The following ERC2 variants were observed in gnomAD, a reference collection of about 807,000 sequenced individuals.
ERC2 encodes the protein ELKS/RAB6-interacting/CAST family member 2, also known as ERC protein 2.
ERC2 carries 42 observed loss-of-function variants against 114.8 expected under a neutral mutation model. That is an observed-to-expected ratio of 0.37 (90% CI 0.29 to 0.47). The LOEUF (loss-of-function observed/expected upper bound fraction) is 0.47, where lower values mean the gene tolerates loss of function less well. ERC2 is among the 20% of genes least tolerant of loss of function. The pLI, the probability that ERC2 is intolerant of heterozygous loss-of-function variation, is 0.99. For missense variants in ERC2, 939 were observed against 1,150.7 expected (o/e 0.82, Z 2.66); for synonymous variants, 454 against 425.5 (o/e 1.07, Z -0.82).
At chr3:56,452,942 T>C (rs1030825275) in intron 1 of ERC2, among the ~76,000 whole-genome samples, 6 of 152,246 alleles carry the variant, frequency 3.9e-5, no homozygotes, top group Non-Finnish European at 5.9e-5. Context: ...TGTGTTGTTT[T>C]CTTACATTAG....
chr3:56,264,708 T>C (rs1161648789), intron 3 of ERC2, among the ~76,000 whole-genome samples: 2 of 150,668 alleles, frequency 1.3e-5, no homozygotes, highest in African/African-American at 4.9e-5. Context: ...TAGAAAGCCC[T>C]ATAAAGACCC....
chr3:55,548,157 A>G (rs2054891437), intron 17 of ERC2, among the ~76,000 whole-genome samples: 1 of 152,198 alleles, frequency 6.6e-6, no homozygotes, highest in Non-Finnish European at 1.5e-5. Flanking sequence ...GGCTGAAGTG[A>G]CCTGTGGCCC....
At chr3:55,854,512 T>C (rs2061707461) in intron 14 of ERC2, among the ~76,000 whole-genome samples, 1 of 152,212 alleles carries the variant, frequency 6.6e-6, no homozygotes, top group African/African-American at 2.4e-5. Flanking sequence ...ACCGCGGCTC[T>C]GGGGCCTGCT....
intron 17 of ERC2, chr3:55,658,847 CCA>C (rs1255738390): frequency 6.5e-6 from 1 of 152,696 alleles, no homozygotes; most frequent in Non-Finnish European, 1.5e-5. Context: ...TTCCCCAAGC[CCA>C]GTCCCAGCTG....
At chr3:55,911,106 A>T (rs965436813) in intron 13 of ERC2, among the ~76,000 whole-genome samples, 7 of 152,130 alleles carry the variant, frequency 4.6e-5, no homozygotes, top group African/African-American at 1.7e-4. Context: ...TCACAACTTC[A>T]TCTAAAAACT....
chr3:55,950,075 T>C (rs1459414445), intron 13 of ERC2, among the ~76,000 whole-genome samples: 1 of 152,226 alleles, frequency 6.6e-6, no homozygotes. Context: ...CACATTTGCC[T>C]TCTTCTATTC....
Position 56,081,305 on chromosome 3 carries a change from A to G in ERC2, c.1474-321T>C, listed in dbSNP as rs112753592. On this transcript the variant is annotated intron_variant, in intron 6 of 17. Coordinates refer to ENST00000288221, the MANE Select transcript of ERC2 (RefSeq NM_015576.3). ...CTAAGCTTGGAAACAAAGCACATCA[A>G]TACTCCCATGTCTCTCTGAGAGTCC... Among the ~76,000 whole-genome samples, 1,351 of 152,282 alleles carry G rather than the reference A, an allele frequency of 8.9e-3. 16 individuals carry two copies. The highest frequency in any genetic ancestry group is 0.031 in the African/African-American group (1,273 of 41,560).
chr3:56,122,532 G>A (rs534066110), intron 6 of ERC2, among the ~76,000 whole-genome samples: 4 of 152,172 alleles, frequency 2.6e-5, no homozygotes, highest in Admixed American at 6.5e-5. Flanking sequence ...AAAGCCATCC[G>A]CAATTCCAAA....
intron 15 of ERC2, among the ~76,000 whole-genome samples, chr3:55,730,568 T>C (rs2148909675): frequency 6.6e-6 from 1 of 152,272 alleles, no homozygotes; most frequent in East Asian, 1.9e-4. Flanking sequence ...TCTGTATACG[T>C]TGAGCTCAAA....
chr3:55,956,172 A>G (rs1179154063), intron 12 of ERC2, among the ~76,000 whole-genome samples: 1 of 152,184 alleles, frequency 6.6e-6, no homozygotes, highest in East Asian at 1.9e-4. Context: ...ACCTCAAACA[A>G]TGGACTTTGG....
chr3:55,762,273 A>T (rs1180913147), intron 14 of ERC2, among the ~76,000 whole-genome samples: 2 of 152,166 alleles, frequency 1.3e-5, no homozygotes, highest in Non-Finnish European at 2.9e-5. Flanking sequence ...TATTCTAAAC[A>T]TTTGAAGGGA....
At chr3:55,590,649 A>G (rs1228898836) in intron 17 of ERC2, among the ~76,000 whole-genome samples, 1 of 152,230 alleles carries the variant, frequency 6.6e-6, no homozygotes, top group Non-Finnish European at 1.5e-5. Context: ...AAAATTGCCC[A>G]CCACAATTCT....
intron 2 of ERC2, among the ~76,000 whole-genome samples, chr3:56,417,437 C>A (rs868236075): frequency 1.2e-4 from 18 of 152,042 alleles, no homozygotes; most frequent in African/African-American, 4.3e-4. Context: ...CCAGGGCAGC[C>A]ATCTGAAAAT....
chr3:56,210,382 A>G (rs2048986907), intron 3 of ERC2, among the ~76,000 whole-genome samples: 1 of 152,240 alleles, frequency 6.6e-6, no homozygotes, highest in Non-Finnish European at 1.5e-5. Context: ...TATAATAGGG[A>G]TAAACTATTT....
At chr3:56,061,222 T>C (rs1281063969) in intron 7 of ERC2, among the ~76,000 whole-genome samples, 3 of 152,226 alleles carry the variant, frequency 2.0e-5, no homozygotes, top group Non-Finnish European at 4.4e-5. Flanking sequence ...CAAAGATGTC[T>C]GAGCAAATTA....
intron 14 of ERC2, among the ~76,000 whole-genome samples, chr3:55,773,805 T>C (rs1401465954): frequency 6.6e-6 from 1 of 152,216 alleles, no homozygotes; most frequent in Non-Finnish European, 1.5e-5. Context: ...TTCTTGCAAG[T>C]GCACAGAGAA....
chr3:55,512,740 A>G (rs1361469192), intron 17 of ERC2, among the ~76,000 whole-genome samples: 3 of 152,216 alleles, frequency 2.0e-5, no homozygotes, highest in Non-Finnish European at 4.4e-5. Flanking sequence ...GCAGGTCACA[A>G]GGCAGAATAC....
chr3:56,301,350 T>C (rs2055863430), intron 2 of ERC2, among the ~76,000 whole-genome samples: 1 of 152,242 alleles, frequency 6.6e-6, no homozygotes, highest in Non-Finnish European at 1.5e-5. Flanking sequence ...TCTTTTAATT[T>C]TAAGATATTC....
rs1464875187 is a variant in ERC2, at chr3:56,311,818, AATGTGTGTGT to A, written c.658-15393_658-15384del. On this transcript the variant is annotated intron_variant, in intron 2 of 17. Transcript: ENST00000288221. ...TGCCAGGTTAAATTATATACATATA[AATGTGTGTGT>A]GTGTGTGTGTGTGTGTGTGTGTGTG... Among the ~76,000 whole-genome samples the A allele has an allele frequency of 2.2e-4, 20 of 91,140 alleles. 1 individual carries two copies. Among genetic ancestry groups the A allele is most frequent in the Admixed American group, 4.1e-4 (3 of 7,280 alleles). 59.8% of individuals were successfully genotyped at this position (91,140 alleles called of 152,430 possible).
Sources: gnomAD v4.1 joint callset for allele counts (sites outside exome capture counted in the v4.1 genomes callset) on GRCh38, gnomAD v4.1.1 for gene constraint, MANE v1.5 for transcripts, NCBI Gene and HGNC (gene_info 2026-07-23, HGNC 2026-07-21) for gene names.